The following LRRC4C variants were observed in gnomAD, a reference collection of about 807,000 sequenced individuals.
The protein encoded by LRRC4C is leucine-rich repeat-containing protein 4C.
Under a neutral mutation model 33.6 loss-of-function variants are expected in LRRC4C, and 5 were observed. The observed-to-expected ratio is 0.15, with a 90% confidence interval of 0.08 to 0.31. LRRC4C has a LOEUF of 0.31. Among genes scored for constraint, LRRC4C ranks in the 10% least tolerant of loss-of-function variants. The pLI, the probability that LRRC4C is intolerant of heterozygous loss-of-function variation, is 1.00. For missense variants in LRRC4C, 560 were observed against 796.7 expected, an observed-to-expected ratio of 0.70 and a Z score of 3.58; for synonymous variants, 329 against 302.0, an observed-to-expected ratio of 1.09 and a Z score of -0.93.
chr11:40,281,248 T>C (rs1053136447), intron 4 of LRRC4C, among the ~76,000 whole-genome samples: 19 of 152,090 alleles, frequency 1.2e-4, no homozygotes, highest in Middle Eastern at 3.2e-3. Context: ...GCTTCTGACT[T>C]TTTGCCTTTT....
At chr11:41,130,432 C>A (rs996594042) in intron 1 of LRRC4C, among the ~76,000 whole-genome samples, 2 of 151,968 alleles carry the variant, frequency 1.3e-5, no homozygotes, top group Non-Finnish European at 2.9e-5. Flanking sequence ...AAGGACACAT[C>A]TGGTTATGTT....
chr11:41,364,762 G>C (rs1952475207), intron 1 of LRRC4C, among the ~76,000 whole-genome samples: 1 of 152,146 alleles, frequency 6.6e-6, no homozygotes, highest in Admixed American at 6.5e-5. Flanking sequence ...TAATGTGTCT[G>C]AGTCAAAATG....
intron 1 of LRRC4C, among the ~76,000 whole-genome samples, chr11:40,958,381 A>G (rs1480487367): frequency 6.6e-6 from 1 of 151,822 alleles, no homozygotes; most frequent in East Asian, 1.9e-4. Context: ...TGTTTAGAAG[A>G]GTTTCTGTTA....
chr11:40,893,048 A>C (rs1038366614), intron 2 of LRRC4C, among the ~76,000 whole-genome samples: 4 of 152,152 alleles, frequency 2.6e-5, no homozygotes, highest in Non-Finnish European at 5.9e-5. Flanking sequence ...CCTACAAAAA[A>C]AATAATGAAA....
chr11:40,572,441 A>G (rs1374338476), intron 3 of LRRC4C, among the ~76,000 whole-genome samples: 2 of 152,194 alleles, frequency 1.3e-5, no homozygotes, highest in Non-Finnish European at 2.9e-5. Context: ...CGATGAGTAC[A>G]TGTGTTTAGA....
chr11:40,823,207 C>A (rs181718474), intron 2 of LRRC4C, among the ~76,000 whole-genome samples: 1 of 151,634 alleles, frequency 6.6e-6, no homozygotes, highest in Non-Finnish European at 1.5e-5. Context: ...TAATTGTAAG[C>A]ATTAAAATTA....
intron 2 of LRRC4C, among the ~76,000 whole-genome samples, chr11:40,785,639 T>C (rs76659178): frequency 0.02 from 3,102 of 152,294 alleles, 101 homozygotes; most frequent in African/African-American, 0.071. Context: ...CAACAGTATA[T>C]CCACTATCCT....
chr11:41,028,037 C>T (rs1358508517), intron 1 of LRRC4C, among the ~76,000 whole-genome samples: 2 of 151,598 alleles, frequency 1.3e-5, no homozygotes, highest in Non-Finnish European at 3.0e-5. Flanking sequence ...GCCACTGTGA[C>T]CTGCTCATGG....
intron 1 of LRRC4C, among the ~76,000 whole-genome samples, chr11:41,442,458 CTTTTTTTTT>C (rs775679545): frequency 9.5e-5 from 8 of 84,068 alleles, no homozygotes; most frequent in East Asian, 3.4e-4. Flanking sequence ...TTGCTTTTTT[CTTTTTTTTT>C]TTTTTTTTTT....
intron 2 of LRRC4C, among the ~76,000 whole-genome samples, chr11:40,874,640 C>T (rs549715138): frequency 2.7e-4 from 41 of 152,258 alleles, no homozygotes; most frequent in Admixed American, 1.3e-3. Flanking sequence ...AAATGAAAAT[C>T]CTATGTTTGT....
intron 1 of LRRC4C, among the ~76,000 whole-genome samples, chr11:40,953,859 T>C (rs747624272): frequency 6.6e-6 from 1 of 151,896 alleles, no homozygotes; most frequent in Non-Finnish European, 1.5e-5. Flanking sequence ...AACACTTTCT[T>C]ATATTTTTAT....
At chr11:41,252,795 C>T (rs1208741869) in intron 1 of LRRC4C, among the ~76,000 whole-genome samples, 2 of 152,156 alleles carry the variant, frequency 1.3e-5, no homozygotes, top group African/African-American at 2.4e-5. Flanking sequence ...AGCAAAGTCA[C>T]ATCTTACATG....
chr11:41,271,554 C>T (rs866326183), intron 1 of LRRC4C, among the ~76,000 whole-genome samples: 4 of 86,554 alleles, frequency 4.6e-5, no homozygotes, highest in African/African-American at 7.9e-5. Flanking sequence ...AGCTGCCCCT[C>T]ATTAAACTAA....
At chr11:40,948,753 A>C (rs1355910380) in intron 1 of LRRC4C, among the ~76,000 whole-genome samples, 8 of 148,152 alleles carry the variant, frequency 5.4e-5, no homozygotes, top group Admixed American at 2.0e-4. Flanking sequence ...ACATTTTCTT[A>C]ATCCAGTCTA....
intron 1 of LRRC4C, among the ~76,000 whole-genome samples, chr11:41,102,690 T>C (rs1419959881): frequency 6.6e-6 from 1 of 152,048 alleles, no homozygotes; most frequent in Non-Finnish European, 1.5e-5. Flanking sequence ...TCCTCTCACA[T>C]TTTTAGATTG....
chr11:41,119,972 G>A (rs934142631), intron 1 of LRRC4C, among the ~76,000 whole-genome samples: 5 of 152,114 alleles, frequency 3.3e-5, no homozygotes, highest in Admixed American at 6.6e-5. Flanking sequence ...CTTTCTGGGA[G>A]TTTTAAAGGA....
At chr11:40,376,129 G>A (rs745919998) in intron 3 of LRRC4C, among the ~76,000 whole-genome samples, 4 of 152,006 alleles carry the variant, frequency 2.6e-5, no homozygotes, top group Admixed American at 6.6e-5. Context: ...AAGTTTTATC[G>A]TTTTAGCTTT....
intron 4 of LRRC4C, among the ~76,000 whole-genome samples, chr11:40,276,933 G>C (rs563322057): frequency 1.5e-4 from 23 of 152,166 alleles, no homozygotes; most frequent in African/African-American, 5.5e-4. Context: ...GTACCTTCAT[G>C]GGAAAGGTGG....
intron 5 of LRRC4C, among the ~76,000 whole-genome samples, chr11:40,153,037 T>C (rs780742569): frequency 1.3e-5 from 2 of 152,104 alleles, no homozygotes; most frequent in Non-Finnish European, 2.9e-5. Flanking sequence ...ACAGAGTCCA[T>C]TGAACCCTCT....
Sources: allele counts gnomAD v4.1 joint callset (sites outside exome capture counted in the v4.1 genomes callset), GRCh38; gene constraint gnomAD v4.1.1; transcripts MANE v1.5; gene names NCBI Gene and HGNC (gene_info 2026-07-23, HGNC 2026-07-21).